The following CLIP1 variants were observed in gnomAD, a reference collection of about 807,000 sequenced individuals.
The protein encoded by CLIP1 is CAP-Gly domain-containing linker protein 1.
Under a neutral mutation model 161.6 loss-of-function variants are expected in CLIP1, and 66 were observed. That is an observed-to-expected ratio of 0.41 (90% CI 0.33 to 0.50). The LOEUF is 0.50. CLIP1 is among the 20% of genes least tolerant of loss of function. The pLI is 0.27. For synonymous variants in CLIP1, 598 were observed against 626.2 expected (o/e 0.96, Z 0.67); for missense variants, 1,376 against 1,702.0 (o/e 0.81, Z 3.37).
chr12:122,294,771 C>T (rs1327753363), intron 20 of CLIP1, among the ~76,000 whole-genome samples: 7 of 149,922 alleles, frequency 4.7e-5, no homozygotes, highest in Non-Finnish European at 7.4e-5. Flanking sequence ...AAAATAGGGC[C>T]GGGTGCAGTG....
At chr12:122,390,287 T>TACACACAC (rs1955584075) in intron 1 of CLIP1, among the ~76,000 whole-genome samples, 1 of 131,260 alleles carries the variant, frequency 7.6e-6, no homozygotes, top group Admixed American at 8.0e-5. Flanking sequence ...TACATATATA[T>TACACACAC]ATATATATAT....
At chr12:122,395,716 C>G (rs539819736) in intron 1 of CLIP1, 1 of 152,204 alleles carries the variant, frequency 6.6e-6, no homozygotes. Context: ...CAGTCATGTA[C>G]GCATATCTGT....
chr12:122,321,380 G>A (rs1432496312), intron 17 of CLIP1, among the ~76,000 whole-genome samples: 5 of 151,822 alleles, frequency 3.3e-5, no homozygotes, highest in Non-Finnish European at 7.4e-5. Flanking sequence ...TGAGTAGCTG[G>A]GATTATAAGC....
chr12:122,339,145 C>G (rs776078022), intron 11 of CLIP1, among the ~76,000 whole-genome samples: 2 of 152,134 alleles, frequency 1.3e-5, no homozygotes, highest in African/African-American at 4.8e-5. Flanking sequence ...AGGAATGCAG[C>G]TGGCGAATGT....
intron 3 of CLIP1, among the ~76,000 whole-genome samples, chr12:122,377,113 A>G (rs192314595): frequency 2.2e-3 from 333 of 151,318 alleles, no homozygotes; most frequent in African/African-American, 7.5e-3. Context: ...AGGTTCAGGC[A>G]ATTCTCTGCC....
In CLIP1 at chr12:122,405,537, C is replaced by G. The variant is rs1044837164; in HGVS notation, c.-107+16984G>C. Among the ~76,000 whole-genome samples, 27 of 152,084 alleles carry G rather than the reference C, an allele frequency of 1.8e-4. 1 individual carries two copies. The highest frequency in any genetic ancestry group is 5.9e-5 in the Non-Finnish European group (4 of 68,018). On this transcript the variant is annotated intron_variant, in intron 1 of 25. Coordinates refer to ENST00000620786, the MANE Select transcript of CLIP1 (RefSeq NM_001247997.2). ...GGCGCGGTGGCTCACACCTGTAATCCCAGCACTTTGGGAGGCCAAGGCGGA... is the reference window on the plus strand; with the variant it reads ...GGCGCGGTGGCTCACACCTGTAATCGCAGCACTTTGGGAGGCCAAGGCGGA...
In CLIP1 at chr12:122,323,866, G is replaced by A. The variant is rs1396466056; in HGVS notation, c.3249+4081C>T. The A allele has an allele frequency of 1.3e-5, 2 of 152,486 alleles. No individual in the cohort carries two copies. The highest frequency in any genetic ancestry group is 1.9e-4 in the East Asian group (1 of 5,184). The allele number at this position is 152,486 out of a possible 1,614,324, so 9.4% of individuals were successfully genotyped here. On this transcript the variant is annotated intron_variant, in intron 17 of 25. Transcript: ENST00000620786. This position sits in a 1 kb window ranked among gnomAD's most constrained non-coding sequence, Gnocchi z 4.1. ...TATCTTTGGCCAAGATGAAGTTTTCGGTAATAAGTTTCTTGATCTGGTCCT... is the reference window on the plus strand; with the variant it reads ...TATCTTTGGCCAAGATGAAGTTTTCAGTAATAAGTTTCTTGATCTGGTCCT...
At position 122,279,135 on chromosome 12, in the gene CLIP1, A is replaced by G. The variant is rs1470034728; in HGVS notation, c.3658T>C (p.Phe1220Leu). ...TTCTCTTCATCTGCGTCTTTTATGA[A>G]CTTGGATTCTCTAAAAGACCAAAGA... ...LLEMKKRESK[F>L]IKDADEEKAS... The change falls in exon 22 of 26, where the codon TTC (phenylalanine) becomes CTC (leucine). Residue 1220 changes from phenylalanine to leucine, a missense_variant. Coordinates refer to ENST00000620786, the MANE Select transcript of CLIP1 (RefSeq NM_001247997.2). The surrounding 1 kb of genome is among the most constrained non-coding windows in gnomAD (Gnocchi z 4.5). 2 of 1,610,810 alleles carry G rather than the reference A, an allele frequency of 1.2e-6. No individual in the cohort carries two copies. The highest frequency in any genetic ancestry group is 3.4e-5 in the Admixed American group (2 of 59,388).
intron 1 of CLIP1, among the ~76,000 whole-genome samples, chr12:122,402,215 A>G (rs937654523): frequency 3.9e-5 from 6 of 152,148 alleles, no homozygotes; most frequent in African/African-American, 1.4e-4. Flanking sequence ...ATTATTTCAA[A>G]ATGTAATCAA....
Position 122,328,419 on chromosome 12 carries a change from C to T in CLIP1, c.2875G>A (p.Glu959Lys). ...TTTGTAAGTTTTAGCTGTAATTCTT[C>T]TACATCTCTAGAAAAAGTTTCAATA... ...DELRLKERDV[E>K]ELQLKLTKAN... Residue 959 changes from glutamate to lysine, a missense_variant, in exon 16 of 26, where the codon GAA (glutamate) becomes AAA (lysine). Physicochemically the swap from Glu to Lys is moderately conservative, Grantham distance 56. This residue lies in a region of CLIP1 where 948 missense variants were observed against 1,134.8 expected (regional missense o/e 0.84). Coordinates refer to ENST00000620786, the MANE Select transcript of CLIP1 (RefSeq NM_001247997.2). 6.3e-7 allele frequency: 1 copy of T among 1,576,214 alleles called. No individual in the cohort carries two copies. Among genetic ancestry groups the T allele is most frequent in the Non-Finnish European group, 8.6e-7 (1 of 1,164,908 alleles).
chr12:122,315,992 G>T (rs1951251821), intron 19 of CLIP1, among the ~76,000 whole-genome samples: 1 of 151,788 alleles, frequency 6.6e-6, no homozygotes, highest in Non-Finnish European at 1.5e-5. Flanking sequence ...CATGCTATTT[G>T]ATTTTTTTCC....
intron 1 of CLIP1, among the ~76,000 whole-genome samples, chr12:122,394,261 G>A (rs370188750): frequency 6.6e-6 from 1 of 151,794 alleles, no homozygotes; most frequent in Non-Finnish European, 1.5e-5. Context: ...AGACTGAGGC[G>A]GGCGGATCAC....
intron 10 of CLIP1, chr12:122,342,197 C>G (rs1403108682): frequency 6.6e-6 from 1 of 152,160 alleles, no homozygotes; most frequent in Non-Finnish European, 1.5e-5. Context: ...TGGCTTAAGT[C>G]CAACTTTAGT....
intron 5 of CLIP1, 67 bp downstream of exon 5, chr12:122,360,892 G>GCAAAGCA: frequency 7.7e-7 from 1 of 1,300,804 alleles, no homozygotes; most frequent in Non-Finnish European, 1.1e-6. Context: ...CAGCAAAGCA[G>GCAAAGCA]GGGCACTGAC....
rs1297620455 is a variant in CLIP1, at chr12:122,354,485, C to T, written c.1275G>A (p.Val425=). 1.9e-6 allele frequency: 3 copies of T among 1,613,658 alleles called. No homozygotes were observed. The highest frequency in any genetic ancestry group is 1.7e-6 in the Non-Finnish European group (2 of 1,179,840). ...TMVEAADREK[V]ELLNQLEEEK... is the part of the protein sequence containing the mutation. ...CCTCTTCAAGCTGGTTGAGAAGCTC[C>T]ACCTTCTCCCTGTCAGCAGCTTCCA... Residue 425 remains valine, a synonymous_variant, in exon 7 of 26, where the codon GTG becomes GTA. Transcript: ENST00000620786.
At chr12:122,284,355 C>CTT (rs111603170) in intron 21 of CLIP1, among the ~76,000 whole-genome samples, 6 of 143,920 alleles carry the variant, frequency 4.2e-5, no homozygotes, top group Non-Finnish European at 6.1e-5. Flanking sequence ...TTTGTTTCAT[C>CTT]TTTTTTTTTT....
intron 1 of CLIP1, among the ~76,000 whole-genome samples, chr12:122,413,439 G>C (rs1323309488): frequency 6.6e-6 from 1 of 152,160 alleles, no homozygotes; most frequent in Non-Finnish European, 1.5e-5. Context: ...CTTCGGAGAA[G>C]ATATTATAAA....
In CLIP1 at chr12:122,299,612, C is replaced by CAAAAAAAAAAAAAAAAAAAAAAA. The variant is rs71082962; in HGVS notation, c.3594+10149_3594+10150insTTTTTTTTTTTTTTTTTTTTTTT. ...TTTTGTTTTTAAAGAATAAATTCAG[C>CAAAAAAAAAAAAAAAAAAAAAAA]AAAAAAAAAAAAAAAAAAAAGATGC... On this transcript the variant is annotated intron_variant, in intron 20 of 25. Transcript: ENST00000620786. Among the ~76,000 whole-genome samples, 39 of 62,508 alleles carry CAAAAAAAAAAAAAAAAAAAAAAA rather than the reference C, an allele frequency of 6.2e-4. 7 individuals carry two copies. Among genetic ancestry groups the CAAAAAAAAAAAAAAAAAAAAAAA allele is most frequent in the African/African-American group, 2.5e-3 (36 of 14,336 alleles). The allele number at this position is 62,508 out of a possible 152,430, so 41.0% of individuals were successfully genotyped here. A position where few individuals can be genotyped will look rare whatever the true frequency, so the allele number is the denominator to read the frequency against.
Position 122,354,469 on chromosome 12 carries a change from G to A in CLIP1, c.1291C>T (p.Leu431Phe). Residue 431 changes from leucine to phenylalanine, a missense_variant, in exon 7 of 26, where the codon CTT becomes TTT. By Grantham distance (22) the Leu-to-Phe change is conservative. Around this residue, in one of 6 missense-constraint regions of CLIP1, gnomAD observed 211 missense variants for 295.1 expected, o/e 0.72. Transcript: ENST00000620786. The part of the protein sequence containing the change: ...DREKVELLNQ[L>F]EEEKRKVEDL... ...TGGGGTCACCTTTTCTCCTCTTCAA[G>A]CTGGTTGAGAAGCTCCACCTTCTCC... The A allele has an allele frequency of 6.2e-7, 1 of 1,613,564 alleles. No homozygotes were observed. Among genetic ancestry groups the A allele is most frequent in the Non-Finnish European group, 8.5e-7 (1 of 1,179,658 alleles).
Sources: allele counts gnomAD v4.1 joint callset (sites outside exome capture counted in the v4.1 genomes callset), GRCh38; gene constraint gnomAD v4.1.1; regional missense constraint gnomAD v4.1.1; non-coding constraint Gnocchi (gnomAD v3.1); transcripts MANE v1.5; gene names NCBI Gene and HGNC (gene_info 2026-07-23, HGNC 2026-07-21).